The following PHTF2 variants were observed in gnomAD, a reference collection of about 807,000 sequenced individuals.
PHTF2 encodes the protein putative homeodomain transcription factor 2.
PHTF2 carries 60 observed loss-of-function variants against 101.2 expected under a neutral mutation model. The ratio of observed to expected loss-of-function variants is 0.59; its 90% CI spans 0.48 to 0.73. The LOEUF (loss-of-function observed/expected upper bound fraction) is 0.73, where lower values mean the gene tolerates loss of function less well. PHTF2 is among the 30% of genes least tolerant of loss of function. The pLI is 0.00. For missense variants in PHTF2, 747 were observed against 908.7 expected (o/e 0.82, Z 2.29); for synonymous variants, 311 against 307.3 (o/e 1.01, Z -0.13).
At chr7:77,918,343 G>C (rs954465668) in intron 9 of PHTF2, among the ~76,000 whole-genome samples, 11 of 152,156 alleles carry the variant, frequency 7.2e-5, no homozygotes, top group Middle Eastern at 3.4e-3. Context: ...ATTTCTCAGA[G>C]TGTTCCATCT....
chr7:77,860,623 T>C (rs188943967), intron 3 of PHTF2, among the ~76,000 whole-genome samples: 37 of 152,330 alleles, frequency 2.4e-4, no homozygotes, highest in African/African-American at 8.2e-4. Flanking sequence ...ATTCAATAAA[T>C]ACTGCTATAG....
chr7:77,862,304 TTA>T (rs1039379500), intron 3 of PHTF2, among the ~76,000 whole-genome samples: 4 of 152,298 alleles, frequency 2.6e-5, no homozygotes, highest in African/African-American at 9.6e-5. Context: ...AACATTTATT[TTA>T]TATTTGTTCT....
At chr7:77,852,404 A>C (rs1453392492) in intron 2 of PHTF2, among the ~76,000 whole-genome samples, 1 of 152,222 alleles carries the variant, frequency 6.6e-6, no homozygotes, top group Non-Finnish European at 1.5e-5. Flanking sequence ...TGAGGTTATC[A>C]TGAGGCTTGT....
chr7:77,879,407 T>TG (rs1416176364), intron 3 of PHTF2, among the ~76,000 whole-genome samples: 1 of 152,122 alleles, frequency 6.6e-6, no homozygotes, highest in African/African-American at 2.4e-5. Context: ...GAACTCGTGA[T>TG]GGCCTTCTCT....
At chr7:77,898,389 C>T (rs1048164652) in intron 5 of PHTF2, among the ~76,000 whole-genome samples, 4 of 152,126 alleles carry the variant, frequency 2.6e-5, no homozygotes, top group African/African-American at 9.7e-5. Context: ...AATATTTTTA[C>T]AGTAATAAAG....
chr7:77,807,846 T>C (rs1793116644), intron 1 of PHTF2, among the ~76,000 whole-genome samples: 1 of 152,208 alleles, frequency 6.6e-6, no homozygotes, highest in African/African-American at 2.4e-5. Flanking sequence ...TATGTTTAGG[T>C]ATTTAATCCA....
At chr7:77,954,368 A>G (rs1378089384) in intron 19 of PHTF2, among the ~76,000 whole-genome samples, 1 of 152,068 alleles carries the variant, frequency 6.6e-6, no homozygotes, top group Non-Finnish European at 1.5e-5. Context: ...TCCTGACCTC[A>G]AGTGATACAC....
intron 5 of PHTF2, among the ~76,000 whole-genome samples, chr7:77,897,758 G>A (rs1801002659): frequency 6.6e-6 from 1 of 152,060 alleles, no homozygotes; most frequent in Non-Finnish European, 1.5e-5. Flanking sequence ...GCAACTCACT[G>A]CATCCTCTGC....
At chr7:77,897,862 A>G (rs1323061052) in intron 5 of PHTF2, among the ~76,000 whole-genome samples, 1 of 152,000 alleles carries the variant, frequency 6.6e-6, no homozygotes, top group African/African-American at 2.4e-5. Context: ...TGTATTTTTA[A>G]TAGAGATGGA....
chr7:77,898,565 GTACAGA>G (rs1248572123), intron 5 of PHTF2, among the ~76,000 whole-genome samples: 13 of 152,016 alleles, frequency 8.6e-5, no homozygotes, highest in Non-Finnish European at 1.8e-4. Context: ...CAGAAATAAT[GTACAGA>G]TACAGCCCAT....
intron 2 of PHTF2, among the ~76,000 whole-genome samples, chr7:77,844,974 T>C (rs1796164686): frequency 6.6e-6 from 1 of 152,256 alleles, no homozygotes; most frequent in African/African-American, 2.4e-5. Context: ...AGTTATTAAC[T>C]TGGAGGAACT....
chr7:77,876,775 A>G (rs1286016203), intron 3 of PHTF2, among the ~76,000 whole-genome samples: 4 of 152,190 alleles, frequency 2.6e-5, no homozygotes, highest in Non-Finnish European at 2.9e-5. Flanking sequence ...GCATGGTGGT[A>G]CACACCTGCA....
At chr7:77,950,889 A>C (rs1026906000) in intron 17 of PHTF2, among the ~76,000 whole-genome samples, 1 of 152,166 alleles carries the variant, frequency 6.6e-6, no homozygotes, top group African/African-American at 2.4e-5. Flanking sequence ...AATATCTGAT[A>C]GATATATCAT....
chr7:77,944,012 CAAAT>C (rs1282445609), intron 16 of PHTF2, among the ~76,000 whole-genome samples: 2 of 150,902 alleles, frequency 1.3e-5, no homozygotes, highest in East Asian at 1.9e-4. Context: ...CAAAAACAAA[CAAAT>C]AAAAAAAAAA....
At chr7:77,842,364 C>T (rs1351107374) in intron 2 of PHTF2, among the ~76,000 whole-genome samples, 1 of 152,090 alleles carries the variant, frequency 6.6e-6, no homozygotes, top group African/African-American at 2.4e-5. Context: ...CCACTATGCC[C>T]AGCTAGATCT....
chr7:77,860,593 G>A (rs1299266304), intron 3 of PHTF2, among the ~76,000 whole-genome samples: 1 of 152,228 alleles, frequency 6.6e-6, no homozygotes, highest in Non-Finnish European at 1.5e-5. Flanking sequence ...ACCAAGTACA[G>A]TGCTTGGTGT....
At chr7:77,892,109 G>C (rs983447296) in intron 3 of PHTF2, among the ~76,000 whole-genome samples, 2 of 152,130 alleles carry the variant, frequency 1.3e-5, no homozygotes, top group African/African-American at 4.8e-5. Flanking sequence ...AACACCGTCT[G>C]TACTAAAAAT....
intron 1 of PHTF2, among the ~76,000 whole-genome samples, chr7:77,832,452 A>G (rs570127458): frequency 6.6e-6 from 1 of 152,296 alleles, no homozygotes; most frequent in African/African-American, 2.4e-5. Context: ...TGTCCGTGCT[A>G]GAAGAGGATC....
At chr7:77,873,671 C>T (rs186143183) in intron 3 of PHTF2, among the ~76,000 whole-genome samples, 8 of 152,202 alleles carry the variant, frequency 5.3e-5, no homozygotes, top group Non-Finnish European at 1.2e-4. Context: ...GGGGATGTTG[C>T]CACTACTGGG....
Sources: gnomAD v4.1 joint callset for allele counts (sites outside exome capture counted in the v4.1 genomes callset) on GRCh38, gnomAD v4.1.1 for gene constraint, MANE v1.5 for transcripts, NCBI Gene and HGNC (gene_info 2026-07-23, HGNC 2026-07-21) for gene names.